The following EPHB1 variants were observed in gnomAD, a reference collection of about 807,000 sequenced individuals.
EPHB1 encodes ephrin type-B receptor 1.
EPHB1 carries 30 observed loss-of-function variants against 94.4 expected under a neutral mutation model. That is an observed-to-expected ratio of 0.32 (90% CI 0.24 to 0.43). The LOEUF (loss-of-function observed/expected upper bound fraction) is 0.43, where lower values mean the gene tolerates loss of function less well. Among genes scored for constraint, EPHB1 ranks in the 20% least tolerant of loss-of-function variants. EPHB1 has a pLI of 1.00. For synonymous variants in EPHB1, 522 were observed against 489.1 expected, an observed-to-expected ratio of 1.07 and a Z score of -0.89; for missense variants, 1,055 against 1,308.3, an observed-to-expected ratio of 0.81 and a Z score of 2.99.
intron 1 of EPHB1, among the ~76,000 whole-genome samples, chr3:134,884,006 C>G (rs1003031803): frequency 1.3e-5 from 2 of 152,210 alleles, no homozygotes; most frequent in Admixed American, 6.5e-5. Context: ...ATGACATAAG[C>G]CAGGCCACAC....
intron 1 of EPHB1, among the ~76,000 whole-genome samples, chr3:134,868,022 TC>T (rs2037417500): frequency 6.6e-6 from 1 of 152,176 alleles, no homozygotes; most frequent in African/African-American, 2.4e-5. Context: ...GGACTCTGAT[TC>T]CACCGCAGCC....
chr3:135,076,261 A>ATATATATG (rs1553729687), intron 3 of EPHB1, among the ~76,000 whole-genome samples: 7 of 112,578 alleles, frequency 6.2e-5, no homozygotes, highest in South Asian at 2.8e-4. Flanking sequence ...ATATATATAT[A>ATATATATG]ACTCTTAAAT....
intron 3 of EPHB1, among the ~76,000 whole-genome samples, chr3:134,995,041 A>G (rs1435075242): frequency 6.6e-6 from 1 of 151,526 alleles, no homozygotes; most frequent in African/African-American, 2.4e-5. Flanking sequence ...GTTTTATCAC[A>G]TGTAGAGTTG....
chr3:135,112,398 T>TTAG (rs1032510336), intron 4 of EPHB1, among the ~76,000 whole-genome samples: 16 of 152,238 alleles, frequency 1.1e-4, no homozygotes, highest in Admixed American at 8.5e-4. Flanking sequence ...TTTTTTAATT[T>TTAG]TATTATTATT....
chr3:135,118,037 G>T (rs540814861), intron 4 of EPHB1, among the ~76,000 whole-genome samples: 1 of 152,350 alleles, frequency 6.6e-6, no homozygotes, highest in Admixed American at 6.5e-5. Context: ...AAGCCACTCA[G>T]TTCTCACAAA....
intron 3 of EPHB1, among the ~76,000 whole-genome samples, chr3:134,990,337 A>G (rs572726218): frequency 7.5e-4 from 114 of 152,222 alleles, no homozygotes; most frequent in Admixed American, 6.1e-3. Context: ...GCCCCTGCTG[A>G]TTCTTCCTTC....
chr3:134,929,839 G>A (rs2038871005), intron 2 of EPHB1, among the ~76,000 whole-genome samples: 1 of 152,250 alleles, frequency 6.6e-6, no homozygotes, highest in Admixed American at 6.5e-5. Flanking sequence ...GAGCTCAGGT[G>A]TTTGAGAAGC....
chr3:135,149,809 A>G (rs1286214905), intron 5 of EPHB1, among the ~76,000 whole-genome samples: 1 of 152,194 alleles, frequency 6.6e-6, no homozygotes, highest in Non-Finnish European at 1.5e-5. Context: ...TGAATCTGAG[A>G]AATACAGGCA....
At chr3:135,185,193 A>G (rs1324808116) in intron 10 of EPHB1, among the ~76,000 whole-genome samples, 5 of 152,202 alleles carry the variant, frequency 3.3e-5, no homozygotes, top group Non-Finnish European at 5.9e-5. Flanking sequence ...GCTGTGTGAG[A>G]ATAGTTGGGA....
chr3:135,241,149 G>A lies in EPHB1; in HGVS notation c.2348G>A (p.Gly783Glu). 3 of 1,614,188 alleles carry A rather than the reference G, an allele frequency of 1.9e-6. No individual in the cohort carries two copies. Among genetic ancestry groups the A allele is most frequent in the Non-Finnish European group, 2.5e-6 (3 of 1,180,030 alleles). ...TSDPTYTSSLGGKIPVRWTAP... is the reference protein window; with the variant it reads ...TSDPTYTSSLEGKIPVRWTAP... ...GACCACGGTTTCTCCTTCTTTCAGGGAGGGAAGATCCCTGTGAGATGGACA... is the reference window on the plus strand; with the variant it reads ...GACCACGGTTTCTCCTTCTTTCAGGAAGGGAAGATCCCTGTGAGATGGACA... Residue 783 changes from glycine to glutamate, a missense_variant and splice_region_variant, in exon 13 of 16, where the codon GGA (glycine) becomes GAA (glutamate). By Grantham distance (98) the Gly-to-Glu change is moderately conservative (BLOSUM62 -2). Coordinates refer to ENST00000398015, the MANE Select transcript of EPHB1 (RefSeq NM_004441.5).
chr3:135,030,830 C>T (rs1936419613), intron 3 of EPHB1, among the ~76,000 whole-genome samples: 2 of 152,220 alleles, frequency 1.3e-5, no homozygotes, highest in African/African-American at 2.4e-5. Context: ...AGCCTCGCTG[C>T]CGCCTTGCAG....
At chr3:134,797,158 C>T (rs991151194) in intron 1 of EPHB1, among the ~76,000 whole-genome samples, 3 of 152,118 alleles carry the variant, frequency 2.0e-5, no homozygotes, top group African/African-American at 7.2e-5. Context: ...TTTTGTCTGC[C>T]CTCAGTCTCC....
intron 2 of EPHB1, among the ~76,000 whole-genome samples, chr3:134,944,159 C>T (rs1356425500): frequency 6.6e-6 from 1 of 152,160 alleles, no homozygotes; most frequent in African/African-American, 2.4e-5. Flanking sequence ...ACTAACATAC[C>T]TCTCTGTCTG....
chr3:135,198,573 A>G (rs146218544), intron 11 of EPHB1, among the ~76,000 whole-genome samples: 68 of 152,280 alleles, frequency 4.5e-4, no homozygotes, highest in Non-Finnish European at 7.8e-4. Context: ...CCCAAGGACA[A>G]TGATCCCAGG....
At chr3:135,085,273 C>T (rs369400867) in intron 3 of EPHB1, among the ~76,000 whole-genome samples, 2 of 152,182 alleles carry the variant, frequency 1.3e-5, no homozygotes, top group East Asian at 3.8e-4. Flanking sequence ...GGAAGCTAAG[C>T]GTGTCTTCCC....
intron 3 of EPHB1, among the ~76,000 whole-genome samples, chr3:135,073,231 C>G (rs1170074903): frequency 6.6e-6 from 1 of 152,060 alleles, no homozygotes; most frequent in African/African-American, 2.4e-5. Flanking sequence ...ATACTTTTAT[C>G]CATCTGCTAC....
intron 6 of EPHB1, among the ~76,000 whole-genome samples, chr3:135,155,951 A>G (rs995881194): frequency 6.6e-6 from 1 of 152,036 alleles, no homozygotes; most frequent in Non-Finnish European, 1.5e-5. Context: ...ACAATTATTA[A>G]CGAGGATGAT....
intron 1 of EPHB1, among the ~76,000 whole-genome samples, chr3:134,891,791 A>G (rs1489179857): frequency 1.3e-5 from 2 of 152,254 alleles, no homozygotes; most frequent in Non-Finnish European, 2.9e-5. Flanking sequence ...GAAACTGTGT[A>G]TGAAGCATCC....
chr3:135,058,557 C>T (rs911320544), intron 3 of EPHB1, among the ~76,000 whole-genome samples: 1 of 152,232 alleles, frequency 6.6e-6, no homozygotes, highest in Non-Finnish European at 1.5e-5. Context: ...GGGTACACAC[C>T]TCAGTCCACA....
Sources: allele counts gnomAD v4.1 joint callset (sites outside exome capture counted in the v4.1 genomes callset), GRCh38; gene constraint gnomAD v4.1.1; transcripts MANE v1.5; gene names NCBI Gene and HGNC (gene_info 2026-07-23, HGNC 2026-07-21).